SEPTIN7: variants seen among roughly 807,000 people sequenced by gnomAD.
The protein encoded by SEPTIN7 is septin 7, also known as septin-7.
SEPTIN7 carries 10 observed loss-of-function variants against 63.3 expected under a neutral mutation model. The ratio of observed to expected loss-of-function variants is 0.16; its 90% confidence interval spans 0.10 to 0.27. The LOEUF (loss-of-function observed/expected upper bound fraction) is 0.27, where lower values mean the gene tolerates loss of function less well. Among genes scored for constraint, SEPTIN7 ranks in the 10% least tolerant of loss-of-function variants. The probability of loss-of-function intolerance (pLI) is 1.00; values close to 1 mark genes in which losing one functional copy is unlikely to be tolerated. For synonymous variants in SEPTIN7, 131 were observed against 165.3 expected (o/e 0.79, Z 1.59); for missense variants, 310 against 521.0 (o/e 0.59, Z 3.94).
intron 4 of SEPTIN7, among the ~76,000 whole-genome samples, chr7:35,868,811 A>G (rs1202247962): frequency 6.6e-6 from 1 of 152,244 alleles, no homozygotes; most frequent in Admixed American, 6.5e-5. Flanking sequence ...TCCCTAGAAC[A>G]TATTGAGAAA....
At chr7:35,839,826 T>A (rs1207654743) in intron 3 of SEPTIN7, among the ~76,000 whole-genome samples, 4 of 152,186 alleles carry the variant, frequency 2.6e-5, no homozygotes, top group South Asian at 4.1e-4. Context: ...ATGCTGGGAT[T>A]ACAGGCGTGA....
chr7:35,801,590 G>C lies in SEPTIN7; in HGVS notation c.61+320G>C, dbSNP rs533467201. 8.5e-5 allele frequency among the ~76,000 whole-genome samples: 13 copies of C among 152,258 alleles called. No homozygotes were observed. The South Asian group carries it at 2.7e-3, about 32-fold the overall frequency. ...GCCTGAGCGTGGTGGTCTCAGCCCT[G>C]CCCTTGCTTCTCTCCGTCCCTTCGC... On this transcript the variant is annotated intron_variant, in intron 1 of 13. Transcript: ENST00000350320.
At chr7:35,838,236 ACTTCCTTC>A (rs1167892518) in intron 3 of SEPTIN7, among the ~76,000 whole-genome samples, 1,804 of 58,892 alleles carry the variant, frequency 0.031, 282 homozygotes, top group South Asian at 0.056. Context: ...TATTATCCAA[ACTTCCTTC>A]CTTCCTTCCT....
chr7:35,881,479 T>A (rs1786875060), intron 7 of SEPTIN7, among the ~76,000 whole-genome samples: 1 of 151,830 alleles, frequency 6.6e-6, no homozygotes, highest in South Asian at 2.1e-4. Flanking sequence ...CATCATGTAT[T>A]TGTCAATTCC....
intron 10 of SEPTIN7, among the ~76,000 whole-genome samples, chr7:35,889,275 T>G (rs1787487400): frequency 6.6e-6 from 1 of 151,930 alleles, no homozygotes; most frequent in Non-Finnish European, 1.5e-5. Context: ...TGAAGTGGAG[T>G]GGTAGAACTT....
chr7:35,895,817 A>AT (rs547759047), intron 11 of SEPTIN7, among the ~76,000 whole-genome samples: 184 of 152,052 alleles, frequency 1.2e-3, no homozygotes, highest in African/African-American at 4.2e-3. Flanking sequence ...AAATGAAGAT[A>AT]TTTTTTTCTT....
intron 3 of SEPTIN7, among the ~76,000 whole-genome samples, chr7:35,849,251 G>GT (rs932071560): frequency 6.6e-6 from 1 of 152,160 alleles, no homozygotes; most frequent in Non-Finnish European, 1.5e-5. Flanking sequence ...GTGGCTCCCA[G>GT]TTTTTTTGGC....
At chr7:35,843,482 G>A (rs879464576) in intron 3 of SEPTIN7, among the ~76,000 whole-genome samples, 2 of 152,156 alleles carry the variant, frequency 1.3e-5, no homozygotes, top group Admixed American at 6.5e-5. Flanking sequence ...TTTTTAGGAA[G>A]AAATATGGAA....
intron 1 of SEPTIN7, 58 bp downstream of exon 1, chr7:35,801,328 C>G (rs2115592335): frequency 6.6e-7 from 1 of 1,510,680 alleles, no homozygotes; most frequent in South Asian, 1.3e-5. Flanking sequence ...TGCCGGGAAG[C>G]TCTGCGGCCG....
At chr7:35,877,662 A>G (rs1430002242) in intron 6 of SEPTIN7, among the ~76,000 whole-genome samples, 4 of 152,204 alleles carry the variant, frequency 2.6e-5, no homozygotes, top group South Asian at 4.1e-4. Flanking sequence ...AGTCCACAAT[A>G]TATTCCAGAT....
chr7:35,845,925 T>A (rs1784640281), intron 3 of SEPTIN7, among the ~76,000 whole-genome samples: 2 of 152,028 alleles, frequency 1.3e-5, no homozygotes, highest in African/African-American at 4.8e-5. Context: ...GAATTATATA[T>A]TTGTTTGAAA....
intron 4 of SEPTIN7, among the ~76,000 whole-genome samples, chr7:35,865,673 G>GT (rs1335967137): frequency 6.6e-6 from 1 of 151,712 alleles, no homozygotes; most frequent in African/African-American, 2.4e-5. Context: ...TTCTAGTGAG[G>GT]TTGAACATGT....
chr7:35,823,932 TGTTATCTGTG>T (rs1363527936), intron 1 of SEPTIN7, among the ~76,000 whole-genome samples: 2 of 152,136 alleles, frequency 1.3e-5, no homozygotes, highest in African/African-American at 4.8e-5. Context: ...ATTCCATAAA[TGTTATCTGTG>T]TCCTTACTTA....
intron 5 of SEPTIN7, 98 bp downstream of exon 5, chr7:35,872,864 A>G: frequency 5.1e-6 from 4 of 785,984 alleles, no homozygotes; most frequent in Non-Finnish European, 8.6e-6. Flanking sequence ...CATCTTAGCA[A>G]AGGTCACCAA....
At chr7:35,894,090 A>G (rs2116349246) in intron 11 of SEPTIN7, among the ~76,000 whole-genome samples, 1 of 151,440 alleles carries the variant, frequency 6.6e-6, no homozygotes, top group South Asian at 2.1e-4. Flanking sequence ...CTGATCTCTT[A>G]AAGGAAGTGT....
intron 6 of SEPTIN7, among the ~76,000 whole-genome samples, chr7:35,878,774 G>A (rs1200917649): frequency 1.3e-5 from 2 of 152,166 alleles, no homozygotes; most frequent in East Asian, 3.9e-4. Flanking sequence ...AGGAAGCGTA[G>A]AAGAGGGAAA....
chr7:35,860,001 T>C (rs1227446942), intron 3 of SEPTIN7, among the ~76,000 whole-genome samples: 1 of 152,180 alleles, frequency 6.6e-6, no homozygotes, highest in Non-Finnish European at 1.5e-5. Flanking sequence ...AAGAACTAAC[T>C]TGCCATTTTG....
chr7:35,843,716 CAG>C (rs371417216), intron 3 of SEPTIN7, among the ~76,000 whole-genome samples: 1 of 152,098 alleles, frequency 6.6e-6, no homozygotes, highest in African/African-American at 2.4e-5. Context: ...ACAAGTGTTG[CAG>C]AGTTATAATA....
At chr7:35,813,868 A>G (rs1788887994) in intron 1 of SEPTIN7, among the ~76,000 whole-genome samples, 1 of 152,184 alleles carries the variant, frequency 6.6e-6, no homozygotes, top group Admixed American at 6.5e-5. Flanking sequence ...GAAATAAGAG[A>G]CTATCAGTTG....
Sources: gnomAD v4.1 joint callset for allele counts (sites outside exome capture counted in the v4.1 genomes callset) on GRCh38, gnomAD v4.1.1 for gene constraint, MANE v1.5 for transcripts, NCBI Gene and HGNC (gene_info 2026-07-23, HGNC 2026-07-21) for gene names.